FLT1: variants seen among roughly 807,000 people sequenced by gnomAD.
FLT1 encodes fms related receptor tyrosine kinase 1.
In FLT1, 49 loss-of-function variants were observed where a neutral mutation model predicts 156.3. That is an observed-to-expected ratio of 0.31 (90% CI 0.25 to 0.40). The LOEUF (loss-of-function observed/expected upper bound fraction) is 0.40, where lower values mean the gene tolerates loss of function less well. FLT1 is among the 10% of genes least tolerant of loss of function. The pLI, the probability that FLT1 is intolerant of heterozygous loss-of-function variation, is 1.00. For missense variants in FLT1, 1,322 were observed against 1,637.2 expected, an observed-to-expected ratio of 0.81 and a Z score of 3.32; for synonymous variants, 594 against 583.8, an observed-to-expected ratio of 1.02 and a Z score of -0.25.
chr13:28,360,043 A>G (rs139415757), intron 14 of FLT1, among the ~76,000 whole-genome samples: 1 of 78,480 alleles, frequency 1.3e-5, no homozygotes, highest in East Asian at 3.6e-4. Flanking sequence ...CTGGGGAGGC[A>G]GAGGTTGCAG....
rs751896313 is a variant in FLT1, at chr13:28,427,311, G to T, written c.1284C>A (p.Pro428=). Residue 428 remains proline (P), a synonymous_variant, in exon 10 of 30, where the codon CCC becomes CCA. Coordinates refer to ENST00000282397, the MANE Select transcript of FLT1 (RefSeq NM_002019.4). ...ATGACACGGCCTTTTCGTAAATCTG[G>T]GGTTTCACTGGAAAGGAGATGAAGA... ...LTATLIVNVK[P]QIYEKAVSSF... is the part of the protein sequence containing the mutation. 4.3e-6 allele frequency: 7 copies of T among 1,613,942 alleles called. No homozygotes were observed. The highest frequency in any genetic ancestry group is 1.3e-5 in the African/African-American group (1 of 74,998).
intron 3 of FLT1, among the ~76,000 whole-genome samples, chr13:28,455,970 C>T (rs1051506324): frequency 2.6e-5 from 4 of 152,328 alleles, no homozygotes; most frequent in Admixed American, 2.6e-4. Flanking sequence ...CTGCCAACAG[C>T]AAATGTTGGC....
At chr13:28,487,872 C>T (rs1423857180) in intron 1 of FLT1, among the ~76,000 whole-genome samples, 1 of 151,940 alleles carries the variant, frequency 6.6e-6, no homozygotes, top group African/African-American at 2.4e-5. Context: ...CTTGATCTCG[C>T]CACCCATGAT....
intron 13 of FLT1, chr13:28,386,026 A>G: frequency 9.5e-7 from 1 of 1,052,676 alleles, no homozygotes; most frequent in Non-Finnish European, 1.1e-6. Context: ...AAATCCTGGA[A>G]CAGAAATCAA....
At chr13:28,451,930 C>T (rs1262005102) in intron 3 of FLT1, among the ~76,000 whole-genome samples, 3 of 152,146 alleles carry the variant, frequency 2.0e-5, no homozygotes, top group Non-Finnish European at 4.4e-5. Flanking sequence ...TGAGCCCATG[C>T]CTGAAGGGGC....
At chr13:28,312,503 C>G (rs1362709167) in intron 25 of FLT1, among the ~76,000 whole-genome samples, 1 of 151,386 alleles carries the variant, frequency 6.6e-6, no homozygotes, top group Non-Finnish European at 1.5e-5. Flanking sequence ...GGACGATGTC[C>G]TTAAAGTTAA....
chr13:28,330,740 G>A (rs985352889), intron 18 of FLT1, among the ~76,000 whole-genome samples: 6 of 151,016 alleles, frequency 4.0e-5, no homozygotes, highest in African/African-American at 1.2e-4. Flanking sequence ...TTGAGACAGA[G>A]TCTCCCTCTG....
intron 27 of FLT1, among the ~76,000 whole-genome samples, chr13:28,311,381 T>C (rs950040588): frequency 1.3e-5 from 2 of 152,206 alleles, no homozygotes; most frequent in Non-Finnish European, 2.9e-5. Context: ...ATAGAGAGTA[T>C]AATAGACAAA....
At chr13:28,329,810 T>G (rs546927316) in intron 18 of FLT1, 82 bp from the exon 19 acceptor site, 5 of 1,109,704 alleles carry the variant, frequency 4.5e-6, no homozygotes, top group Non-Finnish European at 6.7e-6. Context: ...CCCTCCTTGT[T>G]TGTCAATGCT....
intron 13 of FLT1, chr13:28,386,186 T>C: frequency 9.5e-7 from 1 of 1,054,838 alleles, no homozygotes; most frequent in Non-Finnish European, 1.1e-6. Flanking sequence ...AGATGATACA[T>C]TGCAATGGCC....
chr13:28,342,285 C>A (rs970613396), intron 16 of FLT1, among the ~76,000 whole-genome samples: 8 of 152,184 alleles, frequency 5.3e-5, no homozygotes, highest in African/African-American at 1.9e-4. Context: ...TTTTCTGCTT[C>A]TTTCCTTCCA....
At position 28,319,915 on chromosome 13, in the gene FLT1, C is replaced by T. The variant is rs891209979; in HGVS notation, c.3175-381G>A. 3.9e-5 allele frequency among the ~76,000 whole-genome samples: 6 copies of T among 152,014 alleles called. No homozygotes were observed. In the East Asian group the frequency reaches 1.2e-3, roughly 29 times the overall value. On this transcript the variant is annotated intron_variant, in intron 23 of 29. Transcript: ENST00000282397. ...TATCCTGAAAACTGGTGGTGGTTTC[C>T]AAAAATTTTTCCAAAGGAGGATTTT...
chr13:28,384,448 C>CAAAAA (rs79860949), intron 14 of FLT1, among the ~76,000 whole-genome samples: 21 of 60,128 alleles, frequency 3.5e-4, no homozygotes, highest in African/African-American at 6.7e-4. Context: ...GACTCCATCT[C>CAAAAA]AAAAAAAAAA....
chr13:28,326,650 C>A (rs1199871242), intron 20 of FLT1, among the ~76,000 whole-genome samples: 2 of 151,226 alleles, frequency 1.3e-5, no homozygotes, highest in Admixed American at 1.3e-4. Flanking sequence ...CTCAGCCTCC[C>A]TAGTAGCTGG....
chr13:28,472,249 C>A (rs1566048954), intron 1 of FLT1, among the ~76,000 whole-genome samples: 1 of 152,174 alleles, frequency 6.6e-6, no homozygotes, highest in Non-Finnish European at 1.5e-5. Context: ...GGAATGTTTT[C>A]TTTGACTTCA....
chr13:28,400,238 C>T (rs1875350222), intron 11 of FLT1, among the ~76,000 whole-genome samples: 1 of 152,178 alleles, frequency 6.6e-6, no homozygotes, highest in Non-Finnish European at 1.5e-5. Flanking sequence ...TTAAATACTA[C>T]TACTATTTAC....
chr13:28,417,948 G>T (rs1226458079), intron 10 of FLT1, among the ~76,000 whole-genome samples: 1 of 151,710 alleles, frequency 6.6e-6, no homozygotes, highest in Non-Finnish European at 1.5e-5. Context: ...TCCTTTAATT[G>T]CTCTCCTGAC....
chr13:28,477,136 G>A (rs1409073653), intron 1 of FLT1, among the ~76,000 whole-genome samples: 2 of 152,182 alleles, frequency 1.3e-5, no homozygotes, highest in African/African-American at 2.4e-5. Flanking sequence ...CTATGTTTAT[G>A]AGGGAAACAT....
chr13:28,388,286 A>C, intron 13 of FLT1: 2 of 1,057,288 alleles, frequency 1.9e-6, no homozygotes, highest in Non-Finnish European at 2.3e-6. Flanking sequence ...CACGTTTGAC[A>C]AAAGCAATTC....
Sources: gnomAD v4.1 joint callset for allele counts (sites outside exome capture counted in the v4.1 genomes callset) on GRCh38, gnomAD v4.1.1 for gene constraint, MANE v1.5 for transcripts, NCBI Gene and HGNC (gene_info 2026-07-23, HGNC 2026-07-21) for gene names.